The following A2ML1 variants were observed in gnomAD, a reference collection of about 807,000 sequenced individuals.
The protein encoded by A2ML1 is alpha-2-macroglobulin-like protein 1.
In A2ML1, 161 loss-of-function variants were observed where a neutral mutation model predicts 181.9. The observed-to-expected ratio is 0.89, with a 90% CI of 0.78 to 1.01. The LOEUF (loss-of-function observed/expected upper bound fraction) is 1.01, where lower values mean the gene tolerates loss of function less well. A2ML1 is among the 50% of genes least tolerant of loss of function. The pLI is 0.00. For missense variants in A2ML1, 1,670 were observed against 1,768.1 expected (o/e 0.94, Z 1.00); for synonymous variants, 663 against 666.8 (o/e 0.99, Z 0.09).
Position 8,823,152 on chromosome 12 carries a change from T to C in A2ML1, c.63-30T>C, listed in dbSNP as rs779171627. On this transcript the variant is annotated intron_variant, in intron 1 of 35. Transcript: ENST00000299698. ...ATTTTTCGAGTGAATGAATCATTAT[T>C]GCCCTGAAATCCTTCTGCTCCTTTA... The C allele has an allele frequency of 2.5e-6, 4 of 1,602,612 alleles. No homozygotes were observed. In the Admixed American group the frequency reaches 6.8e-5, roughly 27 times the overall value.
At chr12:8,868,775 T>G in intron 32 of A2ML1, 148 bp downstream of exon 32, 1 of 643,608 alleles carries the variant, frequency 1.6e-6, no homozygotes. Flanking sequence ...TGTATATGTA[T>G]GTACACTTGT....
intron 32 of A2ML1, 108 bp downstream of exon 32, chr12:8,868,735 A>ACACAC: frequency 1.2e-5 from 10 of 813,702 alleles, no homozygotes; most frequent in Non-Finnish European, 2.0e-5. Context: ...ACACACACAC[A>ACACAC]AGGCATGTAT....
intron 10 of A2ML1, 102 bp from the exon 11 acceptor site, chr12:8,841,267 C>G (rs760022208): frequency 2.3e-5 from 26 of 1,127,458 alleles, no homozygotes; most frequent in Non-Finnish European, 3.3e-5. Flanking sequence ...CTTTTAGTGC[C>G]AAAAACCACA....
intron 7 of A2ML1, among the ~76,000 whole-genome samples, chr12:8,884,231 G>T (rs61371554): frequency 0.24 from 28,798 of 121,294 alleles, 3,703 homozygotes; most frequent in East Asian, 0.51. Context: ...TTTATTTTTT[G>T]TTTTTTTTTG....
At chr12:8,880,114 A>T (rs769932622), downstream of A2ML1, among the ~76,000 whole-genome samples, 41 of 152,336 alleles carry the variant, frequency 2.7e-4, no homozygotes, top group Non-Finnish European at 5.1e-4. Context: ...CTGTAATCCC[A>T]GCACCTTGGG....
intron 4 of A2ML1, among the ~76,000 whole-genome samples, chr12:8,833,515 G>T (rs1360833571): frequency 1.3e-5 from 2 of 152,118 alleles, no homozygotes; most frequent in African/African-American, 2.4e-5. Flanking sequence ...TTCTGCCTCA[G>T]CCTCCGGAGT....
intron 4 of A2ML1, among the ~76,000 whole-genome samples, chr12:8,831,148 C>T (rs931317147): frequency 3.1e-4 from 47 of 152,040 alleles, no homozygotes; most frequent in African/African-American, 9.9e-4. Context: ...TTGTGGGGGG[C>T]GGGGGTCTCA....
At chr12:8,845,401 T>A in intron 12 of A2ML1, 41 bp from the exon 13 acceptor site, 2 of 1,605,368 alleles carry the variant, frequency 1.2e-6, no homozygotes, top group Middle Eastern at 1.7e-4. Context: ...GTGAAATTAC[T>A]GTAACTTCTG....
chr12:8,852,245 G>C lies in A2ML1; in HGVS notation c.2499G>C (p.Gln833His). The change falls in exon 20 of 36, where the codon CAG becomes CAC. Residue 833 changes from glutamine to histidine, a missense_variant. Physicochemically the swap from Gln to His is conservative, Grantham distance 24. Transcript: ENST00000299698. The surrounding 1 kb of genome is among the most constrained non-coding windows in gnomAD (Gnocchi z 4.2). ...QTDLAKSHEY[Q>H]LESWADSQTS... The stretch of plus-strand genomic sequence containing the variant: ...ACCTGGCTAAATCGCATGAGTACCA[G>C]CTAGAATCATGGGCAGATTCTCAGA... 1 of 1,614,126 alleles carries C rather than the reference G, an allele frequency of 6.2e-7. No individual in the cohort carries two copies.
At chr12:8,830,798 C>T (rs998704459) in intron 4 of A2ML1, 1 of 152,106 alleles carries the variant, frequency 6.6e-6, no homozygotes, top group Non-Finnish European at 1.5e-5. Context: ...GTTTCCTTTC[C>T]CTATGTGCAG....
At chr12:8,863,376 A>G (rs1433438893) in intron 28 of A2ML1, among the ~76,000 whole-genome samples, 2 of 152,124 alleles carry the variant, frequency 1.3e-5, no homozygotes, top group African/African-American at 4.8e-5. Context: ...AAAGTGCTGG[A>G]TTACAGGTGT....
intron 4 of A2ML1, 117 bp from the exon 5 acceptor site, chr12:8,834,545 A>G (rs1592109962): frequency 1.6e-6 from 2 of 1,271,054 alleles, no homozygotes; most frequent in Non-Finnish European, 2.2e-6. Flanking sequence ...GAAAGGAAGA[A>G]ATGAAGAAAT....
At chr12:8,870,262 TA>T (rs1292560780) in intron 33 of A2ML1, among the ~76,000 whole-genome samples, 1 of 151,130 alleles carries the variant, frequency 6.6e-6, no homozygotes, top group African/African-American at 2.5e-5. Context: ...GAGCCGTGTA[TA>T]GTTTCTTTTT....
rs1943922390 is a variant in A2ML1 at position 8,852,346 on chromosome 12, G to A, written c.2590+10G>A. 1 of 1,613,908 alleles carries A rather than the reference G, an allele frequency of 6.2e-7. No individual in the cohort carries two copies. The highest frequency in any genetic ancestry group is 2.2e-5 in the East Asian group (1 of 44,880). On this transcript the variant is annotated intron_variant, in intron 20 of 35. Transcript: ENST00000299698. This position sits in a 1 kb window ranked among gnomAD's most constrained non-coding sequence, Gnocchi z 4.2. ...ACAGCTGTCAAATTGGGTAAGAGAGGGAAGTGGTAGACGGGCGAGGAAAGC... is the reference window on the plus strand; with the variant it reads ...ACAGCTGTCAAATTGGGTAAGAGAGAGAAGTGGTAGACGGGCGAGGAAAGC...
At chr12:8,839,934 A>G (rs1002128566) in intron 10 of A2ML1, among the ~76,000 whole-genome samples, 1 of 151,936 alleles carries the variant, frequency 6.6e-6, no homozygotes. Flanking sequence ...TTTAGTAGAG[A>G]TGGGGTTTCT....
chr12:8,868,596 G>T lies in A2ML1; in HGVS notation c.4121G>T (p.Gly1374Val), dbSNP rs1057524238. Residue 1374 changes from glycine (G) to valine (V), a missense_variant, in exon 32 of 36, where the codon GGG (glycine) becomes GTG (valine). Physicochemically the swap from Gly to Val is moderately radical, Grantham distance 109. Transcript: ENST00000299698. ...MAIVEVKMLS[G>V]FSPMEGTNQL... ...ATTGTGGAAGTGAAGATGCTATCTG[G>T]GTTCAGTCCCATGGAGGGCACCAAT... The T allele has an allele frequency of 1.9e-6, 3 of 1,613,930 alleles. 1 individual carries two copies. In the African/African-American group the frequency reaches 4.0e-5, roughly 22 times the overall value.
In A2ML1 at chr12:8,861,303, T is replaced by C. The variant is rs1419015939; in HGVS notation, c.3502+6T>C. On this transcript the variant is annotated splice_donor_region_variant and intron_variant, in intron 28 of 35. Transcript: ENST00000299698. Reference sequence around the variant, plus strand: ...TCAACAGGCTATCATCTCAGGTATGTTGGTCCTGTTGAGAGTTCTTTGAAA... The same window carrying C: ...TCAACAGGCTATCATCTCAGGTATGCTGGTCCTGTTGAGAGTTCTTTGAAA... The C allele has an allele frequency of 6.8e-6, 11 of 1,613,634 alleles. No homozygotes were observed. Among genetic ancestry groups the C allele is most frequent in the Non-Finnish European group, 9.3e-6 (11 of 1,179,888 alleles).
intron 4 of A2ML1, among the ~76,000 whole-genome samples, chr12:8,832,620 G>T (rs73036986): frequency 6.6e-6 from 1 of 152,044 alleles, no homozygotes; most frequent in Non-Finnish European, 1.5e-5. Context: ...TTGCAAAGGC[G>T]GCTTCAGTCC....
chr12:8,843,087 A>G (rs1429057821), intron 11 of A2ML1, 47 bp from the exon 12 acceptor site: 4 of 1,562,596 alleles, frequency 2.6e-6, no homozygotes, highest in South Asian at 1.1e-5. Flanking sequence ...TGGGGTTTCC[A>G]TGGTTGGAGC....
Sources: gnomAD v4.1 joint callset for allele counts (sites outside exome capture counted in the v4.1 genomes callset) on GRCh38, gnomAD v4.1.1 for gene constraint, Gnocchi (gnomAD v3.1) non-coding constraint, MANE v1.5 for transcripts, NCBI Gene and HGNC (gene_info 2026-07-23, HGNC 2026-07-21) for gene names.